Variants in NIPBL observed in about 807,000 individuals in gnomAD.
NIPBL encodes the protein nipped-B-like protein.
In NIPBL, 19 loss-of-function variants were observed where a neutral mutation model predicts 321.8. That is an observed-to-expected ratio of 0.06 (90% CI 0.04 to 0.09). The LOEUF (loss-of-function observed/expected upper bound fraction) is 0.09, where lower values mean the gene tolerates loss of function less well. NIPBL is among the 10% of genes least tolerant of loss of function. NIPBL has a pLI of 1.00. For missense variants in NIPBL, 2,210 were observed against 3,327.0 expected (o/e 0.66, Z 8.26); for synonymous variants, 1,106 against 1,114.1 (o/e 0.99, Z 0.14).
intron 1 of NIPBL, among the ~76,000 whole-genome samples, chr5:36,909,642 T>C (rs1418597029): frequency 6.6e-6 from 1 of 152,088 alleles, no homozygotes; most frequent in Admixed American, 6.5e-5. Context: ...AACAACAATA[T>C]AACCCCACCT....
At chr5:36,958,038 A>G (rs1741175296) in intron 3 of NIPBL, 66 bp from the exon 4 acceptor site, 2 of 1,512,054 alleles carry the variant, frequency 1.3e-6, no homozygotes, top group South Asian at 1.1e-5. Flanking sequence ...ATTTACTTTT[A>G]TATGATAAGT....
At chr5:36,895,602 C>G (rs193081551) in intron 1 of NIPBL, among the ~76,000 whole-genome samples, 1 of 152,142 alleles carries the variant, frequency 6.6e-6, no homozygotes, top group African/African-American at 2.4e-5. Flanking sequence ...GTTAGACTGT[C>G]TTTACATCCT....
In NIPBL at chr5:36,876,845, C is replaced by T. The variant is rs1032330747; in HGVS notation, c.-413C>T. ...CCTTCCCCCCGCCCTCCCCCCCCTC[C>T]CTCCGTCGGTACCGACTCACCCGAC... On this transcript the variant is annotated 5_prime_UTR_variant, in exon 1 of 47. Coordinates refer to ENST00000282516, the MANE Select transcript of NIPBL (RefSeq NM_133433.4). The T allele has an allele frequency of 2.8e-5, 11 of 389,202 alleles. No individual in the cohort carries two copies. The highest frequency in any genetic ancestry group is 2.3e-4 in the African/African-American group (11 of 47,178). The allele number at this position is 389,202 out of a possible 1,614,324, so 24.1% of individuals were successfully genotyped here.
intron 3 of NIPBL, among the ~76,000 whole-genome samples, chr5:36,956,146 A>T (rs549255199): frequency 6.6e-6 from 1 of 151,630 alleles, no homozygotes; most frequent in South Asian, 2.1e-4. Context: ...CAGGAGAATC[A>T]CTTGAACCCG....
intron 18 of NIPBL, 105 bp from the exon 19 acceptor site, chr5:37,007,902 TC>T (rs891496445): frequency 1.3e-6 from 1 of 753,468 alleles, no homozygotes; most frequent in African/African-American, 1.7e-5. Context: ...AAAAATGCTT[TC>T]TTAGTGTTTT....
At chr5:37,015,648 G>A (rs1324691942) in intron 22 of NIPBL, among the ~76,000 whole-genome samples, 1 of 152,026 alleles carries the variant, frequency 6.6e-6, no homozygotes, top group Non-Finnish European at 1.5e-5. Flanking sequence ...GAGAATCGCT[G>A]GAACCCGGGA....
At chr5:37,064,433 C>A in intron 46 of NIPBL, 94 bp from the exon 47 acceptor site, 1 of 1,577,042 alleles carries the variant, frequency 6.3e-7, no homozygotes, top group Admixed American at 1.7e-5. Flanking sequence ...TCCCAACTCC[C>A]GGCGTCAAGG....
At chr5:37,058,402 A>G (rs563586292) in intron 43 of NIPBL, among the ~76,000 whole-genome samples, 115 of 152,312 alleles carry the variant, frequency 7.6e-4, no homozygotes, top group Middle Eastern at 6.8e-3. Flanking sequence ...CTTTGTTTCT[A>G]AGAGCTAACA....
chr5:37,031,720 GATAA>G (rs764115411), intron 32 of NIPBL, among the ~76,000 whole-genome samples: 87 of 152,070 alleles, frequency 5.7e-4, no homozygotes, highest in African/African-American at 2.4e-4. Context: ...CCAGTGAATG[GATAA>G]ATAAACTATG....
intron 6 of NIPBL, among the ~76,000 whole-genome samples, chr5:36,967,791 A>G (rs1742371421): frequency 6.6e-6 from 1 of 152,106 alleles, no homozygotes; most frequent in Non-Finnish European, 1.5e-5. Flanking sequence ...GGTGAAACAA[A>G]TTTTTTAAAC....
chr5:36,917,759 A>G (rs1748586149), intron 1 of NIPBL, among the ~76,000 whole-genome samples: 1 of 152,176 alleles, frequency 6.6e-6, no homozygotes, highest in Non-Finnish European at 1.5e-5. Flanking sequence ...CAGTTTTCCC[A>G]GCACCATTTA....
chr5:37,054,381 G>A (rs1753883465), intron 42 of NIPBL, among the ~76,000 whole-genome samples: 1 of 151,992 alleles, frequency 6.6e-6, no homozygotes, highest in Non-Finnish European at 1.5e-5. Flanking sequence ...AGTTTGCATT[G>A]TGTATAGGAC....
chr5:36,906,332 G>T (rs1006783561), intron 1 of NIPBL, among the ~76,000 whole-genome samples: 3 of 152,210 alleles, frequency 2.0e-5, no homozygotes, highest in South Asian at 4.1e-4. Context: ...ACAGTGATAC[G>T]AATAATATTA....
At chr5:36,889,437 G>A (rs190999162) in intron 1 of NIPBL, among the ~76,000 whole-genome samples, 5 of 152,120 alleles carry the variant, frequency 3.3e-5, no homozygotes, top group African/African-American at 1.2e-4. Flanking sequence ...GGGAGGAGGT[G>A]TTGGGAAAGA....
At chr5:37,045,379 T>TAATTACTACTAATG in intron 36 of NIPBL, 64 bp from the exon 37 acceptor site, 3 of 1,251,432 alleles carry the variant, frequency 2.4e-6, no homozygotes, top group Non-Finnish European at 3.4e-6. Flanking sequence ...TCATTAGTAG[T>TAATTACTACTAATG]AATTACTTGA....
intron 6 of NIPBL, among the ~76,000 whole-genome samples, chr5:36,968,044 TGAGATCAC>T: frequency 7.4e-6 from 1 of 134,432 alleles, no homozygotes; most frequent in Non-Finnish European, 1.5e-5. Context: ...TGCAGTGAGC[TGAGATCAC>T]GCCACTGCAC....
At chr5:36,961,803 C>T (rs899760971) in intron 5 of NIPBL, among the ~76,000 whole-genome samples, 1 of 152,084 alleles carries the variant, frequency 6.6e-6, no homozygotes, top group African/African-American at 2.4e-5. Flanking sequence ...TAATTTCATA[C>T]AGACAAAAAA....
At position 36,955,140 on chromosome 5, in the gene NIPBL, A is replaced by G. The variant is rs574777146; in HGVS notation, c.65-332A>G. 67 of 274,410 alleles carry G rather than the reference A, an allele frequency of 2.4e-4. 1 individual carries two copies. Among genetic ancestry groups the G allele is most frequent in the Non-Finnish European group, 1.8e-4 (25 of 141,516 alleles). 17.0% of individuals were successfully genotyped at this position (274,410 alleles called of 1,614,324 possible). On this transcript the variant is annotated intron_variant, in intron 2 of 46. Transcript: ENST00000282516. The stretch of plus-strand genomic sequence containing the variant: ...CTGAAAAATCTTATAAACAAGAACA[A>G]ATGAGATTAATGAATTGCTACATTG...
At chr5:37,007,980 A>G (rs1483171724) in intron 18 of NIPBL, 28 bp from the exon 19 acceptor site, 16 of 1,286,606 alleles carry the variant, frequency 1.2e-5, no homozygotes, top group Non-Finnish European at 1.8e-5. Flanking sequence ...CTAAAGGTGT[A>G]TACTACTTAC....
Sources: allele counts gnomAD v4.1 joint callset (sites outside exome capture counted in the v4.1 genomes callset), GRCh38; gene constraint gnomAD v4.1.1; transcripts MANE v1.5; gene names NCBI Gene and HGNC (gene_info 2026-07-23, HGNC 2026-07-21).